CCDC88A: variants seen among roughly 807,000 people sequenced by gnomAD.
CCDC88A encodes the protein girdin.
In CCDC88A, 54 loss-of-function variants were observed where a neutral mutation model predicts 234.3. That is an observed-to-expected ratio of 0.23 (90% CI 0.19 to 0.29). CCDC88A has a LOEUF of 0.29. Among genes scored for constraint, CCDC88A ranks in the 10% least tolerant of loss-of-function variants. CCDC88A has a pLI of 1.00. For missense variants in CCDC88A, 1,832 were observed against 2,123.4 expected (o/e 0.86, Z 2.70); for synonymous variants, 753 against 737.8 (o/e 1.02, Z -0.33).
intron 2 of CCDC88A, among the ~76,000 whole-genome samples, chr2:55,393,379 C>T (rs1272397863): frequency 1.4e-5 from 2 of 141,840 alleles, no homozygotes; most frequent in African/African-American, 5.2e-5. Context: ...CAACCTCTGC[C>T]TCCAGGGTTC....
intron 3 of CCDC88A, among the ~76,000 whole-genome samples, chr2:55,387,937 T>C (rs1031239871): frequency 2.5e-4 from 38 of 152,206 alleles, no homozygotes; most frequent in African/African-American, 9.1e-4. Context: ...ATTTGATAAA[T>C]TCATCATCAT....
intron 13 of CCDC88A, chr2:55,337,586 A>C (rs1308542201): frequency 6.6e-6 from 1 of 152,214 alleles, no homozygotes; most frequent in Non-Finnish European, 1.5e-5. Flanking sequence ...TTTTAACATT[A>C]ATGGAAATAA....
In CCDC88A at chr2:55,409,056, T is replaced by C. The variant is rs139338655; in HGVS notation, c.164+9760A>G. On this transcript the variant is annotated intron_variant, in intron 2 of 32. Coordinates refer to ENST00000436346, the MANE Select transcript of CCDC88A (RefSeq NM_001365480.1). Reference sequence around the variant, plus strand: ...TGAGCAGCTAAGCATTACTGGTTACTCAACCATGCTATGCTCACTGGCTCA... The same window carrying C: ...TGAGCAGCTAAGCATTACTGGTTACCCAACCATGCTATGCTCACTGGCTCA... Among the ~76,000 whole-genome samples the C allele has an allele frequency of 2.6e-5, 4 of 152,216 alleles. No homozygotes were observed. In the South Asian group the frequency reaches 8.3e-4, roughly 32 times the overall value.
At chr2:55,339,306 A>G in intron 13 of CCDC88A, 158 bp downstream of exon 13, 1 of 709,836 alleles carries the variant, frequency 1.4e-6, no homozygotes, top group Non-Finnish European at 2.2e-6. Context: ...TAATGAGTAT[A>G]GGGTTCATTC....
At chr2:55,394,800 A>C (rs1018273587) in intron 2 of CCDC88A, among the ~76,000 whole-genome samples, 1 of 141,714 alleles carries the variant, frequency 7.1e-6, no homozygotes, top group South Asian at 2.3e-4. Context: ...CTAAAACTTA[A>C]AGTATAATAA....
chr2:55,367,682 G>C (rs1432767740), intron 5 of CCDC88A, among the ~76,000 whole-genome samples: 4 of 151,444 alleles, frequency 2.6e-5, no homozygotes, highest in Non-Finnish European at 5.9e-5. Context: ...GAACCAAGCA[G>C]AAACTTGTTT....
chr2:55,358,614 C>G (rs1487503973), intron 7 of CCDC88A, among the ~76,000 whole-genome samples: 1 of 152,168 alleles, frequency 6.6e-6, no homozygotes, highest in Non-Finnish European at 1.5e-5. Flanking sequence ...ATGACCTCTC[C>G]TCCAATTTGC....
intron 22 of CCDC88A, chr2:55,313,984 AAAG>A (rs1193486011): frequency 6.6e-6 from 1 of 152,174 alleles, no homozygotes. Flanking sequence ...CTTTTCCCGT[AAAG>A]AAGTGGAATC....
chr2:55,359,536 G>A (rs981831313), intron 7 of CCDC88A, among the ~76,000 whole-genome samples: 6 of 151,186 alleles, frequency 4.0e-5, no homozygotes, highest in South Asian at 2.1e-4. Flanking sequence ...ATAATCTGAC[G>A]GGAAATGTTT....
chr2:55,358,489 C>G (rs6724338), intron 7 of CCDC88A, among the ~76,000 whole-genome samples: 48,752 of 151,956 alleles, frequency 0.32, 8,218 homozygotes, highest in East Asian at 0.54. Flanking sequence ...GCCCATCTAT[C>G]CTTTTATTGA....
In CCDC88A at chr2:55,299,914, T is replaced by G; in HGVS notation, c.4750A>C (p.Arg1584=). The part of the protein sequence containing the change: ...SSTGSRVHAS[R]PASLDSGRTS... ...CTGCCACTATCAAGGCTGGCTGGTC[T>G]TGAAGCTAAATGAAAAAACCAGGAG... Residue 1584 remains arginine (R), a synonymous_variant, in exon 29 of 33, where the codon AGA becomes CGA. Transcript: ENST00000436346. 1 of 1,613,050 alleles carries G rather than the reference T, an allele frequency of 6.2e-7. No individual in the cohort carries two copies. Among genetic ancestry groups the G allele is most frequent in the Non-Finnish European group, 8.5e-7 (1 of 1,179,186 alleles).
chr2:55,377,070 G>C (rs891271702), intron 3 of CCDC88A, among the ~76,000 whole-genome samples: 7 of 152,036 alleles, frequency 4.6e-5, no homozygotes, highest in Non-Finnish European at 1.0e-4. Flanking sequence ...CTGACCTCAT[G>C]ATCCACCTGC....
At chr2:55,360,629 T>A (rs1200685532) in intron 7 of CCDC88A, among the ~76,000 whole-genome samples, 3 of 152,232 alleles carry the variant, frequency 2.0e-5, no homozygotes, top group Non-Finnish European at 4.4e-5. Flanking sequence ...TTTCAAACAA[T>A]CATTCTATAT....
chr2:55,322,177 T>A (rs1441458547), intron 18 of CCDC88A, among the ~76,000 whole-genome samples: 1 of 152,164 alleles, frequency 6.6e-6, no homozygotes, highest in Non-Finnish European at 1.5e-5. Flanking sequence ...AATACAAAAT[T>A]TAATTTCACT....
chr2:55,418,772 A>G (rs994705402), intron 2 of CCDC88A, 44 bp downstream of exon 2: 3 of 1,466,262 alleles, frequency 2.0e-6, no homozygotes, highest in African/African-American at 2.8e-5. Flanking sequence ...ACCATATGCT[A>G]TTTCTCAAAG....
chr2:55,340,819 T>C (rs1245437751), intron 12 of CCDC88A, among the ~76,000 whole-genome samples: 2 of 152,196 alleles, frequency 1.3e-5, no homozygotes, highest in African/African-American at 4.8e-5. Flanking sequence ...TTTAAATACA[T>C]ATTATTCCCT....
chr2:55,319,131 T>C (rs1683308219), intron 18 of CCDC88A, 127 bp from the exon 19 acceptor site: 4 of 727,494 alleles, frequency 5.5e-6, no homozygotes, highest in Admixed American at 6.9e-5. Flanking sequence ...GCCCCAACAA[T>C]CTTAAAAGAG....
intron 2 of CCDC88A, among the ~76,000 whole-genome samples, chr2:55,411,024 G>C (rs571686655): frequency 4.6e-5 from 7 of 152,292 alleles, no homozygotes; most frequent in African/African-American, 1.7e-4. Flanking sequence ...GATTGATTCA[G>C]GATTTAAACT....
intron 8 of CCDC88A, chr2:55,355,293 T>C (rs1282754317): frequency 1.0e-5 from 3 of 301,148 alleles, no homozygotes; most frequent in South Asian, 7.8e-5. Flanking sequence ...TTTCAAGGAA[T>C]GTAAAGACAA....
Sources: gnomAD v4.1 joint callset for allele counts (sites outside exome capture counted in the v4.1 genomes callset) on GRCh38, gnomAD v4.1.1 for gene constraint, MANE v1.5 for transcripts, NCBI Gene and HGNC (gene_info 2026-07-23, HGNC 2026-07-21) for gene names.